THTPA: variants seen among roughly 807,000 people sequenced by gnomAD.
The protein encoded by THTPA is thiamine triphosphatase.
In THTPA, 16 loss-of-function variants were observed where a neutral mutation model predicts 16.5. That is an observed-to-expected ratio of 0.97 (90% CI 0.66 to 1.47). The LOEUF is 1.47. THTPA is among the 40% of genes most tolerant of loss of function. THTPA has a pLI of 0.00. For missense variants in THTPA, 281 were observed against 280.9 expected (o/e 1.00, Z 0.00); for synonymous variants, 110 against 115.5 (o/e 0.95, Z 0.30).
In THTPA at chr14:23,556,644, T is replaced by A; in HGVS notation, c.-114T>A. The A allele has an allele frequency of 8.9e-7, 1 of 1,117,694 alleles. No individual in the cohort carries two copies. Among genetic ancestry groups the A allele is most frequent in the Admixed American group, 2.7e-5 (1 of 36,714 alleles). The allele number at this position is 1,117,694 out of a possible 1,614,324, so 69.2% of individuals were successfully genotyped here. A position where few individuals can be genotyped will look rare whatever the true frequency, so the allele number is the denominator to read the frequency against. ...AGACTATTGCGACACAGTGTGCCCC[T>A]CATAAGTTTTTCCAGGGAGGGGTTC... On this transcript the variant is annotated 5_prime_UTR_variant, in exon 1 of 2. Transcript: ENST00000288014.
chr14:23,542,283 TGAG>T, the THTPA span: 3 of 151,920 alleles, frequency 2.0e-5, no homozygotes, highest in Non-Finnish European at 2.9e-5. Context: ...GGGTGAGGTG[TGAG>T]GAGAAAAGGG....
the THTPA span, chr14:23,533,787 G>A: frequency 1.3e-6 from 2 of 1,555,028 alleles, no homozygotes; most frequent in Non-Finnish European, 1.7e-6. This position sits in a 1 kb window ranked among gnomAD's most constrained non-coding sequence, Gnocchi z 4.8. Flanking sequence ...TAGAGTAGTT[G>A]CAGACGTCAC....
At chr14:23,523,628 G>T in the THTPA span, 7 of 1,557,184 alleles carry the variant, frequency 4.5e-6, no homozygotes, top group East Asian at 1.6e-4. The surrounding 1 kb of genome is among the most constrained non-coding windows in gnomAD (Gnocchi z 4.1). Flanking sequence ...GACTCTCTTG[G>T]GCAGCCCAAT....
the THTPA span, among the ~76,000 whole-genome samples, chr14:23,538,690 A>G: frequency 6.6e-6 from 1 of 152,140 alleles, no homozygotes; most frequent in Non-Finnish European, 1.5e-5. Context: ...GACCCCTGAA[A>G]GGCCCTGACA....
chr14:23,520,638 G>A, the THTPA span, among the ~76,000 whole-genome samples: 2 of 152,136 alleles, frequency 1.3e-5, no homozygotes, highest in Non-Finnish European at 2.9e-5. The surrounding 1 kb of genome is among the most constrained non-coding windows in gnomAD (Gnocchi z 8.7). Flanking sequence ...CAGAGTTCAG[G>A]CTCTTCTCCC....
At chr14:23,512,354 C>G in the THTPA span, among the ~76,000 whole-genome samples, 1 of 151,720 alleles carries the variant, frequency 6.6e-6, no homozygotes, top group Non-Finnish European at 1.5e-5. Context: ...AAAGGGTGAT[C>G]GAGGAATCAA....
Position 23,560,251 on chromosome 14 carries a change from A to G in THTPA, c.*1411A>G, listed in dbSNP as rs1293222220. 2 of 1,613,194 alleles carry G rather than the reference A, an allele frequency of 1.2e-6. No homozygotes were observed. The highest frequency in any genetic ancestry group is 1.7e-6 in the Non-Finnish European group (2 of 1,179,996). Reference sequence around the variant, plus strand: ...GCCACCTCTGAACTCTGATCTTTACAAACCTTGGGCACAGCAGCCTGGCAG... The same window carrying G: ...GCCACCTCTGAACTCTGATCTTTACGAACCTTGGGCACAGCAGCCTGGCAG... On this transcript the variant is annotated 3_prime_UTR_variant, in exon 2 of 2. Coordinates refer to ENST00000288014, the MANE Select transcript of THTPA (RefSeq NM_024328.6).
At chr14:23,529,600 G>A in the THTPA span, 27 of 1,108,500 alleles carry the variant, frequency 2.4e-5, no homozygotes, top group Non-Finnish European at 3.6e-5. Context: ...GTGCTATTCT[G>A]AGTGAAATAA....
the THTPA span, among the ~76,000 whole-genome samples, chr14:23,517,246 T>C: frequency 6.6e-6 from 1 of 152,204 alleles, no homozygotes; most frequent in South Asian, 2.1e-4. Context: ...TTTATCTTCT[T>C]CCCATAACAT....
At chr14:23,545,083 C>T in the THTPA span, among the ~76,000 whole-genome samples, 1 of 152,286 alleles carries the variant, frequency 6.6e-6, no homozygotes, top group South Asian at 2.1e-4. Context: ...TTTCTCCATC[C>T]TCTTTTCCTT....
chr14:23,552,465 G>A (rs1882046818), upstream of THTPA, among the ~76,000 whole-genome samples: 1 of 151,780 alleles, frequency 6.6e-6, no homozygotes, highest in Non-Finnish European at 1.5e-5. Context: ...GCTAATTTTT[G>A]TATTTTTAGT....
At chr14:23,534,324 G>T in the THTPA span, 1 of 1,536,496 alleles carries the variant, frequency 6.5e-7, no homozygotes, top group South Asian at 1.2e-5. This position sits in a 1 kb window ranked among gnomAD's most constrained non-coding sequence, Gnocchi z 4.5. Context: ...CATCCAGGAG[G>T]ATAAGGGCCT....
At chr14:23,532,842 G>A in the THTPA span, 2 of 1,536,426 alleles carry the variant, frequency 1.3e-6, no homozygotes, top group South Asian at 1.2e-5. Flanking sequence ...TAGCAGCAAA[G>A]CTTGCAGCGG....
the THTPA span, chr14:23,531,860 C>A: frequency 8.8e-7 from 1 of 1,135,730 alleles, no homozygotes; most frequent in Non-Finnish European, 1.1e-6. Flanking sequence ...TCACTGAAGC[C>A]TCTACCTCCT....
the THTPA span, chr14:23,528,739 C>T: frequency 9.1e-6 from 9 of 985,328 alleles, no homozygotes; most frequent in Non-Finnish European, 1.1e-5. Flanking sequence ...CACCACAGCT[C>T]CCCCAGTGGC....
chr14:23,531,331 C>T, the THTPA span: 12 of 1,198,772 alleles, frequency 1.0e-5, no homozygotes, highest in Non-Finnish European at 1.2e-5. Flanking sequence ...CTCATTCTGT[C>T]TTATCCCTTC....
the THTPA span, chr14:23,523,814 G>T: frequency 6.5e-7 from 1 of 1,536,240 alleles, no homozygotes; most frequent in Non-Finnish European, 8.7e-7. This position sits in a 1 kb window ranked among gnomAD's most constrained non-coding sequence, Gnocchi z 4.1. Context: ...AGCCCCAGGG[G>T]ATTCTGGTTC....
chr14:23,555,828 C>A (rs1345193413), upstream of THTPA: 7 of 152,432 alleles, frequency 4.6e-5, no homozygotes, highest in African/African-American at 1.7e-4. Context: ...GTGTTGGAGA[C>A]GGGACTGGGG....
chr14:23,520,942 T>C, the THTPA span: 8 of 151,926 alleles, frequency 5.3e-5, no homozygotes, highest in Admixed American at 1.3e-4. The surrounding 1 kb of genome is among the most constrained non-coding windows in gnomAD (Gnocchi z 8.7). Context: ...TGTCCGTTTC[T>C]CTCTTTTGTG....
Sources: gnomAD v4.1 joint callset for allele counts (sites outside exome capture counted in the v4.1 genomes callset) on GRCh38, gnomAD v4.1.1 for gene constraint, Gnocchi (gnomAD v3.1) non-coding constraint, MANE v1.5 for transcripts, NCBI Gene and HGNC (gene_info 2026-07-23, HGNC 2026-07-21) for gene names.